The following EXT2 variants were observed in gnomAD, a reference collection of about 807,000 sequenced individuals.
EXT2 encodes exostosin-2.
EXT2 carries 53 observed loss-of-function variants against 81.6 expected under a neutral mutation model. That is an observed-to-expected ratio of 0.65 (90% CI 0.52 to 0.82). EXT2 has a LOEUF of 0.82. EXT2 is among the 40% of genes least tolerant of loss of function. EXT2 has a pLI of 0.00. For synonymous variants in EXT2, 320 were observed against 340.0 expected (o/e 0.94, Z 0.65); for missense variants, 774 against 910.2 (o/e 0.85, Z 1.93).
At chr11:44,200,124 C>T (rs181806551) in intron 9 of EXT2, among the ~76,000 whole-genome samples, 5 of 150,154 alleles carry the variant, frequency 3.3e-5, no homozygotes, top group East Asian at 1.9e-4. Flanking sequence ...TGATTTTTCA[C>T]GTACAGCATT....
rs190079659 is a variant in EXT2, at chr11:44,188,660, T to C, written c.1306-9169T>C. ...CACAACCATAAAGCTATAGGCAATA[T>C]TGTGAGCGAGAACTACCAGAAACAG... On this transcript the variant is annotated intron_variant, in intron 8 of 13. Coordinates refer to ENST00000533608, the MANE Select transcript of EXT2 (RefSeq NM_207122.2). 4.3e-4 allele frequency among the ~76,000 whole-genome samples: 65 copies of C among 152,320 alleles called. 1 individual carries two copies. The highest frequency in any genetic ancestry group is 2.9e-4 in the Non-Finnish European group (20 of 68,032).
chr11:44,153,958 G>A (rs779363454), intron 7 of EXT2, among the ~76,000 whole-genome samples: 15 of 151,010 alleles, frequency 9.9e-5, no homozygotes, highest in Admixed American at 4.0e-4. Flanking sequence ...CTATTTTCAT[G>A]AGAGATATTG....
Position 44,248,968 on chromosome 11 carries a change from T to TTTTTG in EXT2, c.*4684_*4685insTGTTT, listed in dbSNP as rs909669278. On this transcript the variant is annotated 3_prime_UTR_variant, in exon 14 of 14. Transcript: ENST00000533608. ...TTGCAACCATTTCAGGGTAGAGTTTTTTTGTTTGTTTGTTTGTTTGTTTTT... is the reference window on the plus strand; with the variant it reads ...TTGCAACCATTTCAGGGTAGAGTTTTTTTTGTTTGTTTGTTTGTTTGTTTGTTTTT... Among the ~76,000 whole-genome samples the TTTTTG allele has an allele frequency of 1.3e-5, 2 of 151,946 alleles. No homozygotes were observed. Among genetic ancestry groups the TTTTTG allele is most frequent in the African/African-American group, 4.8e-5 (2 of 41,336 alleles).
chr11:44,119,146 A>ATATATATATG, intron 4 of EXT2, among the ~76,000 whole-genome samples: 3 of 42,902 alleles, frequency 7.0e-5, no homozygotes, highest in Non-Finnish European at 1.6e-4. Flanking sequence ...ATATATATAT[A>ATATATATATG]TATATATATA....
chr11:44,162,861 T>C (rs1954945393), intron 7 of EXT2, among the ~76,000 whole-genome samples: 1 of 152,136 alleles, frequency 6.6e-6, no homozygotes, highest in African/African-American at 2.4e-5. Context: ...GCTTCATGAA[T>C]AAGGAAGTGA....
chr11:44,101,579 C>T (rs970498461), intron 1 of EXT2, among the ~76,000 whole-genome samples: 3 of 152,296 alleles, frequency 2.0e-5, no homozygotes, highest in East Asian at 1.9e-4. Context: ...AAGGAATCAC[C>T]TGCACCTCCT....
intron 11 of EXT2, 103 bp from the exon 12 acceptor site, chr11:44,234,012 T>G (rs1352810933): frequency 1.9e-5 from 29 of 1,521,418 alleles, no homozygotes; most frequent in Non-Finnish European, 2.6e-5. Flanking sequence ...ATTAATCTTA[T>G]GAGAGAAAGC....
In EXT2 at chr11:44,109,256, A is replaced by G. The variant is rs1954107822; in HGVS notation, c.599A>G (p.Asn200Ser). The part of the protein sequence containing the change: ...NMLPGGPPDY[N>S]TALDVPRDRA... ...TTGCCTGGAGGTCCCCCAGATTATA[A>G]CACAGCCCTGGATGTCCCCAGAGAC... The change falls in exon 3 of 14, where the codon AAC becomes AGC. Residue 200 changes from asparagine (N) to serine (S), a missense_variant. By Grantham distance (46) the Asn-to-Ser change is conservative. Around this residue, in one of 2 missense-constraint regions of EXT2, gnomAD observed 626 missense variants for 670.5 expected, o/e 0.93. Coordinates refer to ENST00000533608, the MANE Select transcript of EXT2 (RefSeq NM_207122.2). The G allele has an allele frequency of 6.2e-7, 1 of 1,614,154 alleles. No individual in the cohort carries two copies. Among genetic ancestry groups the G allele is most frequent in the Non-Finnish European group, 8.5e-7 (1 of 1,179,994 alleles).
intron 3 of EXT2, among the ~76,000 whole-genome samples, chr11:44,111,572 A>G (rs748417312): frequency 6.6e-6 from 1 of 152,176 alleles, no homozygotes; most frequent in Non-Finnish European, 1.5e-5. Flanking sequence ...TGGATTTCTT[A>G]TCCTTTCTTT....
intron 3 of EXT2, 146 bp downstream of exon 3, chr11:44,109,429 AT>A: frequency 1.2e-6 from 1 of 813,656 alleles, no homozygotes; most frequent in Non-Finnish European, 2.0e-6. Context: ...CCTCCTGAAG[AT>A]TTAGAAGTGC....
rs1955931975 is a variant in EXT2 at position 44,234,156 on chromosome 11, C to A, written c.1848C>A (p.Ile616=). Residue 616 remains isoleucine (I), a synonymous_variant, in exon 12 of 14, where the codon ATC becomes ATA. Coordinates refer to ENST00000533608, the MANE Select transcript of EXT2 (RefSeq NM_207122.2). The stretch of plus-strand genomic sequence containing the variant: ...ATACCTACAAAATGCCTGGGGATAT[C>A]AAGAACTGGGTAGATGCTCATATGA... ...YLYTYKMPGD[I]KNWVDAHMNC... is the part of the protein sequence containing the mutation. 2 of 1,613,980 alleles carry A rather than the reference C, an allele frequency of 1.2e-6. No individual in the cohort carries two copies. Among genetic ancestry groups the A allele is most frequent in the Non-Finnish European group, 1.7e-6 (2 of 1,179,998 alleles).
In EXT2 at chr11:44,251,471, A is replaced by G. The variant is rs1351734804; in HGVS notation, c.*7184A>G. ...TGATTTTTGGTTCTTTTAGGCCTTA[A>G]CAGCACAATAAAAGTATCCCATGAG... On this transcript the variant is annotated 3_prime_UTR_variant, in exon 14 of 14. Transcript: ENST00000533608. Among the ~76,000 whole-genome samples, 33 of 152,156 alleles carry G rather than the reference A, an allele frequency of 2.2e-4. No individual in the cohort carries two copies. The highest frequency in any genetic ancestry group is 1.6e-3 in the Admixed American group (24 of 15,274).
At position 44,249,498 on chromosome 11, in the gene EXT2, T is replaced by G. The variant is rs1358090845; in HGVS notation, c.*5211T>G. On this transcript the variant is annotated 3_prime_UTR_variant, in exon 14 of 14. Coordinates refer to ENST00000533608, the MANE Select transcript of EXT2 (RefSeq NM_207122.2). ...AACCTCTCAGGAATTGCAGGTGGTGTGGGAGTGGCTGACAGAGGAGGGATC... is the reference window on the plus strand; with the variant it reads ...AACCTCTCAGGAATTGCAGGTGGTGGGGGAGTGGCTGACAGAGGAGGGATC... Among the ~76,000 whole-genome samples, 1 of 152,180 alleles carries G rather than the reference T, an allele frequency of 6.6e-6. No homozygotes were observed. The highest frequency in any genetic ancestry group is 1.5e-5 in the Non-Finnish European group (1 of 68,018).
At position 44,171,608 on chromosome 11, in the gene EXT2, T is replaced by C. The variant is rs772306999; in HGVS notation, c.1174-3T>C. The C allele has an allele frequency of 5.6e-6, 9 of 1,614,198 alleles. No individual in the cohort carries two copies. In the South Asian group the frequency reaches 8.8e-5, roughly 16 times the overall value. On this transcript the variant is annotated splice_region_variant and splice_polypyrimidine_tract_variant and intron_variant, in intron 7 of 13. Coordinates refer to ENST00000533608, the MANE Select transcript of EXT2 (RefSeq NM_207122.2). ...ACTTAAAACAGCATTATTTTCTTTA[T>C]AGGCCCGGTGGTTCTGGGAAGCGTA... is the stretch of plus-strand genomic sequence containing the variant.
At chr11:44,215,148 T>G (rs1332660300) in intron 10 of EXT2, among the ~76,000 whole-genome samples, 1 of 152,224 alleles carries the variant, frequency 6.6e-6, no homozygotes, top group East Asian at 1.9e-4. Flanking sequence ...TTCTCTCCTT[T>G]GATGAATTTA....
chr11:44,206,266 C>A (rs537173966), intron 9 of EXT2, among the ~76,000 whole-genome samples: 3 of 152,320 alleles, frequency 2.0e-5, no homozygotes, highest in Non-Finnish European at 4.4e-5. Context: ...GGACCTTCGG[C>A]ACATGCACTA....
intron 7 of EXT2, among the ~76,000 whole-genome samples, chr11:44,134,988 T>A (rs1009231583): frequency 6.6e-6 from 1 of 152,252 alleles, no homozygotes; most frequent in Non-Finnish European, 1.5e-5. Context: ...CATCTCAATG[T>A]GCCTTCATAT....
chr11:44,207,990 C>T (rs2135207694), intron 10 of EXT2, among the ~76,000 whole-genome samples: 1 of 152,104 alleles, frequency 6.6e-6, no homozygotes. Flanking sequence ...ATGTGCGATG[C>T]CCTGGATGAT....
At chr11:44,119,169 T>TATATATATATATATATATATATAG (rs1192115471) in intron 4 of EXT2, among the ~76,000 whole-genome samples, 1 of 63,130 alleles carries the variant, frequency 1.6e-5, no homozygotes, top group African/African-American at 5.9e-5. Flanking sequence ...TATATATATA[T>TATATATATATATATATATATATAG]ACACATACAC....
Sources: allele counts gnomAD v4.1 joint callset (sites outside exome capture counted in the v4.1 genomes callset), GRCh38; gene constraint gnomAD v4.1.1; regional missense constraint gnomAD v4.1.1; transcripts MANE v1.5; gene names NCBI Gene and HGNC (gene_info 2026-07-23, HGNC 2026-07-21).